The following BMPR1B variants were observed in gnomAD, a reference collection of about 807,000 sequenced individuals.
BMPR1B encodes bone morphogenetic protein receptor type 1B.
A neutral mutation model predicts 59.1 loss-of-function variants in BMPR1B; 12 were observed. The observed-to-expected ratio is 0.20, with a 90% CI of 0.13 to 0.33. The LOEUF (loss-of-function observed/expected upper bound fraction) is 0.33, where lower values mean the gene tolerates loss of function less well. BMPR1B is among the 10% of genes least tolerant of loss of function. The pLI, the probability that BMPR1B is intolerant of heterozygous loss-of-function variation, is 1.00. For missense variants in BMPR1B, 550 were observed against 610.9 expected, an observed-to-expected ratio of 0.90 and a Z score of 1.05; for synonymous variants, 237 against 207.3, an observed-to-expected ratio of 1.14 and a Z score of -1.23.
At chr4:94,920,163 A>T (rs1183473195) in intron 2 of BMPR1B, among the ~76,000 whole-genome samples, 2 of 152,190 alleles carry the variant, frequency 1.3e-5, no homozygotes. Flanking sequence ...TACTTTTTAT[A>T]CTGGTTATGT....
At chr4:94,913,743 C>A (rs1728377607) in intron 2 of BMPR1B, among the ~76,000 whole-genome samples, 1 of 152,030 alleles carries the variant, frequency 6.6e-6, no homozygotes. Context: ...CCTATTCTCA[C>A]AAAGTTTATG....
chr4:95,117,910 A>C (rs1310549165), intron 6 of BMPR1B, among the ~76,000 whole-genome samples: 5 of 152,188 alleles, frequency 3.3e-5, no homozygotes, highest in African/African-American at 1.2e-4. Flanking sequence ...TAGTAGAATA[A>C]AACTCCAAAG....
chr4:95,088,421 T>C (rs983153184), intron 3 of BMPR1B, among the ~76,000 whole-genome samples: 4 of 152,040 alleles, frequency 2.6e-5, no homozygotes, highest in African/African-American at 9.7e-5. Context: ...TGGTGTGAAA[T>C]GAGAAGAGAA....
In BMPR1B at chr4:95,157,616, G is replaced by GTA. The variant is rs1334767888; in HGVS notation, c.*2952_*2953dup. 6.6e-6 allele frequency: 1 copy of GTA among 151,048 alleles called. No individual in the cohort carries two copies. Among genetic ancestry groups the GTA allele is most frequent in the African/African-American group, 2.4e-5 (1 of 41,206 alleles). The allele number at this position is 151,048 out of a possible 1,614,324, so 9.4% of individuals were successfully genotyped here. ...TCAGGTTTATAGTTTATGTATGTGT[G>GTA]TATATATATAAATATATATGTATAT... On this transcript the variant is annotated 3_prime_UTR_variant, in exon 13 of 13. Transcript: ENST00000515059.
intron 3 of BMPR1B, among the ~76,000 whole-genome samples, chr4:95,039,413 T>C (rs1725488225): frequency 7.6e-6 from 1 of 131,332 alleles, no homozygotes; most frequent in South Asian, 2.5e-4. Flanking sequence ...GGGTTCATTT[T>C]ACTTCTTCTT....
At position 94,868,192 on chromosome 4, in the gene BMPR1B, G is replaced by A. The variant is rs139004195; in HGVS notation, c.-182-7639G>A. ...TTCTTCTTTTTTTTTCTTTTGAGAC[G>A]GGGTCTCACTCAGTCACCCAGACAG... On this transcript the variant is annotated intron_variant, in intron 1 of 12. Transcript: ENST00000515059. Among the ~76,000 whole-genome samples the A allele has an allele frequency of 4.2e-4, 63 of 150,336 alleles. No homozygotes were observed. The East Asian group carries it at 9.1e-3, about 22-fold the overall frequency.
chr4:94,817,564 C>T (rs75444407), intron 1 of BMPR1B, among the ~76,000 whole-genome samples: 3,270 of 151,944 alleles, frequency 0.022, 54 homozygotes, highest in East Asian at 0.059. Flanking sequence ...ATGTCTCCCT[C>T]GTAGGTGGGA....
At chr4:95,051,804 T>C in intron 3 of BMPR1B, 1 of 1,528,464 alleles carries the variant, frequency 6.5e-7, no homozygotes, top group Non-Finnish European at 8.8e-7. Flanking sequence ...ACTACAGTGC[T>C]GATGGGGCTG....
intron 3 of BMPR1B, among the ~76,000 whole-genome samples, chr4:95,001,738 A>G (rs191085631): frequency 3.9e-5 from 6 of 152,276 alleles, no homozygotes; most frequent in East Asian, 1.9e-4. Context: ...TTTCCATGTT[A>G]TATTTGCTTT....
chr4:95,157,493 G>A lies in BMPR1B; in HGVS notation c.*2820G>A, dbSNP rs1459795198. On this transcript the variant is annotated 3_prime_UTR_variant, in exon 13 of 13. Transcript: ENST00000515059. Reference sequence around the variant, plus strand: ...TAATGTTGTTTATTGCTTACTGTCAGGACTATTTCAAAGACTAAGAAGAGT... The same window carrying A: ...TAATGTTGTTTATTGCTTACTGTCAAGACTATTTCAAAGACTAAGAAGAGT... The A allele has an allele frequency of 2.6e-5, 4 of 151,776 alleles. No homozygotes were observed. Among genetic ancestry groups the A allele is most frequent in the African/African-American group, 9.7e-5 (4 of 41,350 alleles). 9.4% of individuals were successfully genotyped at this position (151,776 alleles called of 1,614,324 possible).
intron 3 of BMPR1B, among the ~76,000 whole-genome samples, chr4:95,017,207 C>G (rs943399947): frequency 3.3e-5 from 5 of 152,212 alleles, no homozygotes; most frequent in African/African-American, 1.2e-4. Flanking sequence ...GCAAGCAGCT[C>G]TCTTTCCTGT....
intron 3 of BMPR1B, among the ~76,000 whole-genome samples, chr4:95,034,801 G>A (rs749385131): frequency 2.6e-5 from 4 of 151,856 alleles, no homozygotes; most frequent in Non-Finnish European, 5.9e-5. Context: ...ACACAGGAGC[G>A]GTATTGCTGG....
At chr4:94,982,921 AT>A (rs1258205143) in intron 2 of BMPR1B, among the ~76,000 whole-genome samples, 5 of 151,300 alleles carry the variant, frequency 3.3e-5, no homozygotes, top group African/African-American at 9.7e-5. Context: ...GGAGGCGGAG[AT>A]TGTCGTGAGA....
At chr4:95,067,163 T>G (rs1579020842) in intron 3 of BMPR1B, among the ~76,000 whole-genome samples, 2 of 152,330 alleles carry the variant, frequency 1.3e-5, no homozygotes, top group East Asian at 3.9e-4. Context: ...GTGCTTTCTT[T>G]GTATGCCATT....
chr4:95,113,493 T>G (rs1418447931), intron 4 of BMPR1B, among the ~76,000 whole-genome samples: 1 of 152,192 alleles, frequency 6.6e-6, no homozygotes, highest in Non-Finnish European at 1.5e-5. Context: ...TCATGGCTAG[T>G]ATCGTTCTCA....
At chr4:94,849,792 T>TGG (rs201412420) in intron 1 of BMPR1B, among the ~76,000 whole-genome samples, 92,543 of 150,114 alleles carry the variant, frequency 0.62, 29,631 homozygotes, top group African/African-American at 0.8. Context: ...AGGGGTTTTT[T>TGG]GGTGTGTGTG....
chr4:95,061,916 G>A (rs2149205945), intron 3 of BMPR1B, among the ~76,000 whole-genome samples: 1 of 152,204 alleles, frequency 6.6e-6, no homozygotes, highest in South Asian at 2.1e-4. Flanking sequence ...TGCTGTTCTT[G>A]TGACAGTGAG....
chr4:95,154,662 A>G lies in BMPR1B; in HGVS notation c.1498A>G (p.Ile500Val), dbSNP rs1300655982. 4 of 1,614,108 alleles carry G rather than the reference A, an allele frequency of 2.5e-6. No homozygotes were observed. The Admixed American group carries it at 5.0e-5, about 20-fold the overall frequency. Residue 500 changes from isoleucine to valine, a missense_variant, in exon 13 of 13, where the codon ATT (isoleucine) becomes GTT (valine). Ile to Val is a conservative substitution (Grantham distance 29). Around this residue, in one of 6 missense-constraint regions of BMPR1B, gnomAD observed 123 missense variants for 164.6 expected, o/e 0.75. Coordinates refer to ENST00000515059, the MANE Select transcript of BMPR1B (RefSeq NM_001203.3). ...TGCCAAAATGTCAGAGTCCCAGGAC[A>G]TTAAACTCTGATAGGAGAGGAAAAG... ...TLAKMSESQDIKL is the reference protein window; with the variant it reads ...TLAKMSESQDVKL
At chr4:95,104,318 T>C in intron 3 of BMPR1B, 90 bp from the exon 4 acceptor site, 1 of 1,416,438 alleles carries the variant, frequency 7.1e-7, no homozygotes, top group Non-Finnish European at 9.7e-7. Context: ...GAATACTTCA[T>C]TTTAAAATGT....
Sources: allele counts gnomAD v4.1 joint callset (sites outside exome capture counted in the v4.1 genomes callset), GRCh38; gene constraint gnomAD v4.1.1; regional missense constraint gnomAD v4.1.1; transcripts MANE v1.5; gene names NCBI Gene and HGNC (gene_info 2026-07-23, HGNC 2026-07-21).